KSR1: variants seen among roughly 807,000 people sequenced by gnomAD.
KSR1 encodes the protein kinase suppressor of ras 1.
A neutral mutation model predicts 92.9 loss-of-function variants in KSR1; 35 were observed. The ratio of observed to expected loss-of-function variants is 0.38; its 90% confidence interval spans 0.29 to 0.50. The LOEUF is 0.50. KSR1 is among the 20% of genes least tolerant of loss of function. The pLI, the probability that KSR1 is intolerant of heterozygous loss-of-function variation, is 0.94. For missense variants in KSR1, 972 were observed against 1,158.5 expected, an observed-to-expected ratio of 0.84 and a Z score of 2.34; for synonymous variants, 467 against 472.6, an observed-to-expected ratio of 0.99 and a Z score of 0.15.
intron 9 of KSR1, among the ~76,000 whole-genome samples, chr17:27,593,380 T>C (rs1044708918): frequency 1.3e-5 from 2 of 152,244 alleles, no homozygotes; most frequent in African/African-American, 2.4e-5. Context: ...TGCTGTGGTT[T>C]TGGCTGTGTA....
chr17:27,504,078 A>G lies in KSR1; in HGVS notation c.232-46490A>G, dbSNP rs1322995042. On this transcript the variant is annotated intron_variant, in intron 1 of 20. Transcript: ENST00000644974. Reference sequence around the variant, plus strand: ...CAGTATTTTATGGGTTGTTTCCTATAGTGAAGATGTTGTGCTTGGCCCCGT... The same window carrying G: ...CAGTATTTTATGGGTTGTTTCCTATGGTGAAGATGTTGTGCTTGGCCCCGT... Among the ~76,000 whole-genome samples the G allele has an allele frequency of 2.0e-5, 3 of 152,338 alleles. No individual in the cohort carries two copies. The East Asian group carries it at 5.8e-4, about 29-fold the overall frequency.
chr17:27,466,738 C>T (rs2019717883), intron 1 of KSR1, among the ~76,000 whole-genome samples: 1 of 152,246 alleles, frequency 6.6e-6, no homozygotes, highest in African/African-American at 2.4e-5. Flanking sequence ...TCCTGTTTCT[C>T]GTGGTGGCTT....
At chr17:27,494,043 C>T (rs573951683) in intron 1 of KSR1, among the ~76,000 whole-genome samples, 2 of 151,964 alleles carry the variant, frequency 1.3e-5, no homozygotes, top group Non-Finnish European at 2.9e-5. Flanking sequence ...CATCAATGTC[C>T]GCCTTTCATG....
chr17:27,468,793 G>T (rs1017365956), intron 1 of KSR1, among the ~76,000 whole-genome samples: 2 of 152,160 alleles, frequency 1.3e-5, no homozygotes, highest in African/African-American at 4.8e-5. Flanking sequence ...TCTAACCTGA[G>T]TCCCCCGCCG....
At chr17:27,606,967 G>A (rs1212280237) in intron 14 of KSR1, among the ~76,000 whole-genome samples, 1 of 152,092 alleles carries the variant, frequency 6.6e-6, no homozygotes, top group African/African-American at 2.4e-5. Context: ...AAGTAGCTGG[G>A]ATTACAGCCG....
intron 2 of KSR1, among the ~76,000 whole-genome samples, chr17:27,556,146 A>C (rs1334675174): frequency 6.6e-6 from 1 of 152,224 alleles, no homozygotes; most frequent in Non-Finnish European, 1.5e-5. Flanking sequence ...GCTAGGCTGG[A>C]TTTTAGTGAA....
At chr17:27,562,823 ATTGT>A (rs2071888312) in intron 2 of KSR1, among the ~76,000 whole-genome samples, 1 of 152,216 alleles carries the variant, frequency 6.6e-6, no homozygotes, top group Non-Finnish European at 1.5e-5. Context: ...GGGAAACAAA[ATTGT>A]TTGAGTGTCA....
chr17:27,516,883 A>G (rs1409819962), intron 1 of KSR1, among the ~76,000 whole-genome samples: 1 of 152,206 alleles, frequency 6.6e-6, no homozygotes, highest in Non-Finnish European at 1.5e-5. Flanking sequence ...TAAACATTAA[A>G]ACAGAGATCT....
At chr17:27,543,905 C>G (rs2071064825) in intron 1 of KSR1, among the ~76,000 whole-genome samples, 1 of 152,090 alleles carries the variant, frequency 6.6e-6, no homozygotes, top group African/African-American at 2.4e-5. Flanking sequence ...AAGTCAAGAC[C>G]AGATTTCAGG....
At chr17:27,584,520 A>G (rs541707314) in intron 4 of KSR1, among the ~76,000 whole-genome samples, 71 of 152,308 alleles carry the variant, frequency 4.7e-4, no homozygotes, top group African/African-American at 1.7e-3. Flanking sequence ...GGTCAGTCAG[A>G]GGAGGCCTCA....
chr17:27,524,298 G>T (rs1178258902), intron 1 of KSR1, among the ~76,000 whole-genome samples: 2 of 152,068 alleles, frequency 1.3e-5, no homozygotes, highest in Non-Finnish European at 2.9e-5. Flanking sequence ...CATGGACTCT[G>T]GGGGCTTCTG....
intron 5 of KSR1, among the ~76,000 whole-genome samples, chr17:27,586,800 C>G (rs542830748): frequency 2.6e-5 from 4 of 152,194 alleles, no homozygotes; most frequent in Non-Finnish European, 5.9e-5. Flanking sequence ...GCTTTTGGGG[C>G]TAATTGATTG....
intron 19 of KSR1, among the ~76,000 whole-genome samples, chr17:27,620,514 A>G (rs2074194565): frequency 6.6e-6 from 1 of 152,200 alleles, no homozygotes; most frequent in African/African-American, 2.4e-5. Context: ...AATGAATGTG[A>G]GCAAAGGGTG....
At chr17:27,464,793 A>G (rs1183445121) in intron 1 of KSR1, among the ~76,000 whole-genome samples, 3 of 152,052 alleles carry the variant, frequency 2.0e-5, no homozygotes, top group Non-Finnish European at 4.4e-5. Flanking sequence ...GATAATGTAA[A>G]AATTCTTTAC....
At chr17:27,556,370 TG>T (rs941074907) in intron 2 of KSR1, among the ~76,000 whole-genome samples, 4 of 152,074 alleles carry the variant, frequency 2.6e-5, no homozygotes, top group African/African-American at 7.2e-5. Context: ...TGCGCACCAC[TG>T]CACCTGGCTA....
intron 1 of KSR1, among the ~76,000 whole-genome samples, chr17:27,547,592 A>G (rs2071225324): frequency 6.6e-6 from 1 of 152,218 alleles, no homozygotes; most frequent in African/African-American, 2.4e-5. Flanking sequence ...AGAAGCTTTT[A>G]TGACTCTATC....
At chr17:27,498,917 G>A (rs1451018773) in intron 1 of KSR1, among the ~76,000 whole-genome samples, 1 of 152,202 alleles carries the variant, frequency 6.6e-6, no homozygotes, top group Admixed American at 6.5e-5. Context: ...ATGAGGCACT[G>A]AAAGAAATGA....
intron 18 of KSR1, 74 bp downstream of exon 18, chr17:27,611,703 C>T: frequency 6.3e-7 from 1 of 1,576,150 alleles, no homozygotes; most frequent in Non-Finnish European, 8.7e-7. Context: ...CTGCCCTTCA[C>T]TCACCCACCT....
chr17:27,520,879 T>C (rs1247372999), intron 1 of KSR1, among the ~76,000 whole-genome samples: 1 of 152,256 alleles, frequency 6.6e-6, no homozygotes, highest in African/African-American at 2.4e-5. Context: ...GGGAGACGTG[T>C]GATTCCCTGT....
Sources: gnomAD v4.1 joint callset for allele counts (sites outside exome capture counted in the v4.1 genomes callset) on GRCh38, gnomAD v4.1.1 for gene constraint, MANE v1.5 for transcripts, NCBI Gene and HGNC (gene_info 2026-07-23, HGNC 2026-07-21) for gene names.